The following SLC44A1 variants were observed in gnomAD, a reference collection of about 807,000 sequenced individuals.
SLC44A1 encodes choline transporter-like protein 1.
Under a neutral mutation model 79.3 loss-of-function variants are expected in SLC44A1, and 26 were observed. The observed-to-expected ratio is 0.33, with a 90% CI of 0.24 to 0.46. The LOEUF (loss-of-function observed/expected upper bound fraction) is 0.46, where lower values mean the gene tolerates loss of function less well. SLC44A1 is among the 20% of genes least tolerant of loss of function. The probability of loss-of-function intolerance (pLI) is 1.00; values close to 1 mark genes in which losing one functional copy is unlikely to be tolerated. For missense variants in SLC44A1, 688 were observed against 798.1 expected (o/e 0.86, Z 1.66); for synonymous variants, 263 against 286.2 (o/e 0.92, Z 0.82).
intron 15 of SLC44A1, among the ~76,000 whole-genome samples, chr9:105,414,153 C>T (rs1829136793): frequency 6.6e-6 from 1 of 151,732 alleles, no homozygotes; most frequent in Non-Finnish European, 1.5e-5. Flanking sequence ...ACCTCTGCCT[C>T]CCGGGTTCGA....
Position 105,396,492 on chromosome 9 carries a change from C to A in SLC44A1, c.*7436C>A. ...TGAACTCCTTGAGTTTAGAATAGAG[C>A]TCCTAGAATAATAAGGCGGCCAAAT... On this transcript the variant is annotated 3_prime_UTR_variant, in exon 16 of 16. Transcript: ENST00000374720. The A allele has an allele frequency of 1.0e-6, 1 of 985,348 alleles. No homozygotes were observed. The highest frequency in any genetic ancestry group is 1.2e-6 in the Non-Finnish European group (1 of 829,890). 61.0% of individuals were successfully genotyped at this position (985,348 alleles called of 1,614,324 possible). A position where few individuals can be genotyped will look rare whatever the true frequency, so the allele number is the denominator to read the frequency against.
intron 4 of SLC44A1, among the ~76,000 whole-genome samples, chr9:105,347,176 A>G (rs1827268111): frequency 6.6e-6 from 1 of 152,060 alleles, no homozygotes; most frequent in African/African-American, 2.4e-5. Context: ...TGCCTTTTCC[A>G]TAATTAACTC....
At chr9:105,338,831 C>A (rs1827001503) in intron 4 of SLC44A1, among the ~76,000 whole-genome samples, 1 of 152,170 alleles carries the variant, frequency 6.6e-6, no homozygotes, top group South Asian at 2.1e-4. Context: ...ATACACAGAC[C>A]CTTTAGCCTC....
intron 1 of SLC44A1, among the ~76,000 whole-genome samples, chr9:105,277,767 A>G (rs12686574): frequency 0.044 from 6,767 of 152,294 alleles, 251 homozygotes; most frequent in East Asian, 0.11. Context: ...CAAGTAGTGC[A>G]TGGGAAGTAC....
chr9:105,351,598 GAAAGAA>G (rs779741376), intron 5 of SLC44A1, among the ~76,000 whole-genome samples: 24 of 90,802 alleles, frequency 2.6e-4, no homozygotes, highest in African/African-American at 9.4e-4. Flanking sequence ...GAGAGAAAGA[GAAAGAA>G]AGAAAGAAAG....
At chr9:105,338,581 A>AT (rs1826993427) in intron 4 of SLC44A1, among the ~76,000 whole-genome samples, 2 of 151,896 alleles carry the variant, frequency 1.3e-5, no homozygotes, top group Admixed American at 6.6e-5. Flanking sequence ...TGCCCAGATA[A>AT]TTTTTTTACT....
At chr9:105,410,300 A>G (rs1432755853) in intron 15 of SLC44A1, among the ~76,000 whole-genome samples, 1 of 152,204 alleles carries the variant, frequency 6.6e-6, no homozygotes, top group Non-Finnish European at 1.5e-5. Flanking sequence ...GACAACCCAC[A>G]AAATGGGAGA....
At position 105,351,616 on chromosome 9, in the gene SLC44A1, A is replaced by G. The variant is rs1183809973; in HGVS notation, c.500+3165A>G. On this transcript the variant is annotated intron_variant, in intron 5 of 15. Coordinates refer to ENST00000374720, the MANE Select transcript of SLC44A1 (RefSeq NM_080546.5). ...AGAAAGAGAAAGAAAGAAAGAAAGA[A>G]AGAAAGAGAGAGAAAGAGAAAGAAA... 3.8e-3 allele frequency among the ~76,000 whole-genome samples: 225 copies of G among 58,524 alleles called. 7 individuals are homozygous for G. Among genetic ancestry groups the G allele is most frequent in the Middle Eastern group, 8.3e-3 (1 of 120 alleles). 38.4% of individuals were successfully genotyped at this position (58,524 alleles called of 152,430 possible).
At chr9:105,253,135 A>G (rs1021867815) in intron 1 of SLC44A1, among the ~76,000 whole-genome samples, 25 of 152,228 alleles carry the variant, frequency 1.6e-4, no homozygotes, top group Non-Finnish European at 1.2e-4. Flanking sequence ...CCACAACCAG[A>G]TATTTAGACT....
intron 4 of SLC44A1, among the ~76,000 whole-genome samples, chr9:105,336,211 A>G (rs778898716): frequency 1.3e-5 from 2 of 151,866 alleles, no homozygotes; most frequent in Non-Finnish European, 2.9e-5. Context: ...GGAAATTTGG[A>G]AAGTTCAGAA....
chr9:105,424,948 C>CAA (rs200345209), intron 15 of SLC44A1, among the ~76,000 whole-genome samples: 18 of 96,174 alleles, frequency 1.9e-4, no homozygotes, highest in African/African-American at 5.8e-4. Context: ...GACTCCATCT[C>CAA]AAAAAAAAAA....
At chr9:105,362,074 G>A (rs184852421) in intron 8 of SLC44A1, among the ~76,000 whole-genome samples, 16 of 149,184 alleles carry the variant, frequency 1.1e-4, no homozygotes, top group South Asian at 2.2e-4. Context: ...GCGCGCGCGC[G>A]TGTGTGTGTG....
intron 1 of SLC44A1, among the ~76,000 whole-genome samples, chr9:105,273,171 T>C (rs1234384600): frequency 4.6e-5 from 7 of 152,078 alleles, no homozygotes; most frequent in Admixed American, 4.6e-4. Flanking sequence ...TTTGTGTTTT[T>C]AGTAGAGACA....
Position 105,362,935 on chromosome 9 carries a change from T to G in SLC44A1, c.1015T>G (p.Phe339Val). The G allele has an allele frequency of 3.7e-6, 6 of 1,613,982 alleles. No homozygotes were observed. Among genetic ancestry groups the G allele is most frequent in the Non-Finnish European group, 4.2e-6 (5 of 1,179,920 alleles). ...IHLPLLVFQPFWTFFALVLFW... is the reference protein window; with the variant it reads ...IHLPLLVFQPVWTFFALVLFW... ...CTTGCCACTGCTAGTCTTCCAACCCTTCTGGACTTTCTTTGCTCTTGTCTT... is the reference window on the plus strand; with the variant it reads ...CTTGCCACTGCTAGTCTTCCAACCCGTCTGGACTTTCTTTGCTCTTGTCTT... Residue 339 changes from phenylalanine (F) to valine (V), a missense_variant, in exon 9 of 16, where the codon TTC becomes GTC. Phe to Val is a conservative substitution (Grantham distance 50, BLOSUM62 -1). Transcript: ENST00000374720.
rs1475539544 is a variant in SLC44A1, at chr9:105,247,717, T to G, written c.36+2813T>G. 2.6e-5 allele frequency among the ~76,000 whole-genome samples: 4 copies of G among 152,354 alleles called. No homozygotes were observed. In the East Asian group the frequency reaches 7.7e-4, roughly 29 times the overall value. On this transcript the variant is annotated intron_variant, in intron 1 of 15. Transcript: ENST00000374720. Reference sequence around the variant, plus strand: ...TTATTTGTGTATCTACTGCAGTGCCTCACTGTACCTTGTACTTAATAGTTG... The same window carrying G: ...TTATTTGTGTATCTACTGCAGTGCCGCACTGTACCTTGTACTTAATAGTTG...
At chr9:105,337,878 A>G (rs892552654) in intron 4 of SLC44A1, among the ~76,000 whole-genome samples, 5 of 152,160 alleles carry the variant, frequency 3.3e-5, no homozygotes, top group African/African-American at 9.7e-5. Context: ...TGAATATGAT[A>G]CTGACTGTGG....
At chr9:105,374,226 A>G (rs1828205200) in intron 12 of SLC44A1, among the ~76,000 whole-genome samples, 1 of 152,228 alleles carries the variant, frequency 6.6e-6, no homozygotes, top group Non-Finnish European at 1.5e-5. Flanking sequence ...CTTTTAAAGC[A>G]TCACCTAAAT....
intron 6 of SLC44A1, chr9:105,357,283 C>G (rs577368684): frequency 6.6e-6 from 1 of 152,268 alleles, no homozygotes; most frequent in East Asian, 1.9e-4. Flanking sequence ...GTTACCTAGA[C>G]ACAAATCCCA....
At chr9:105,407,805 G>A (rs1829047320) in intron 15 of SLC44A1, among the ~76,000 whole-genome samples, 2 of 152,032 alleles carry the variant, frequency 1.3e-5, no homozygotes, top group South Asian at 4.1e-4. Context: ...GGGAGGTGGA[G>A]ATTACAGTGA....
Sources: gnomAD v4.1 joint callset for allele counts (sites outside exome capture counted in the v4.1 genomes callset) on GRCh38, gnomAD v4.1.1 for gene constraint, MANE v1.5 for transcripts, NCBI Gene and HGNC (gene_info 2026-07-23, HGNC 2026-07-21) for gene names.